MAPK8IP2: variants seen among roughly 807,000 people sequenced by gnomAD.
MAPK8IP2 encodes mitogen-activated protein kinase 8 interacting protein 2, also known as C-Jun-amino-terminal kinase-interacting protein 2.
In MAPK8IP2, 15 loss-of-function variants were observed where a neutral mutation model predicts 75.6. The ratio of observed to expected loss-of-function variants is 0.20; its 90% CI spans 0.13 to 0.31. The LOEUF is 0.31. Ranked by LOEUF, MAPK8IP2 falls within the 10% of genes least tolerant of loss-of-function variation. The probability of loss-of-function intolerance (pLI) is 1.00; values close to 1 mark genes in which losing one functional copy is unlikely to be tolerated. For missense variants in MAPK8IP2, 1,089 were observed against 1,211.2 expected, an observed-to-expected ratio of 0.90 and a Z score of 1.50; for synonymous variants, 632 against 554.5, an observed-to-expected ratio of 1.14 and a Z score of -1.96.
rs753694127 is a variant in MAPK8IP2 at position 50,603,223 on chromosome 22, G to T, written c.172G>T (p.Asp58Tyr). 1 of 1,611,392 alleles carries T rather than the reference G, an allele frequency of 6.2e-7. No homozygotes were observed. The highest frequency in any genetic ancestry group is 8.5e-7 in the Non-Finnish European group (1 of 1,179,568). Residue 58 changes from aspartate (D) to tyrosine (Y), a missense_variant and splice_region_variant, in exon 3 of 12, where the codon GAC (aspartate) becomes TAC (tyrosine). Physicochemically the swap from Asp to Tyr is radical, Grantham distance 160. Coordinates refer to ENST00000329492, the MANE Select transcript of MAPK8IP2 (RefSeq NM_012324.6). ...LSYDSDHCEK[D>Y]SLSLGRSEQP... ...CCTGCTATCTCCCTCCGTCCTGCAG[G>T]ACAGCCTCTCCCTGGGGCGCTCGGA... is the stretch of plus-strand genomic sequence containing the variant.
rs548289118 is a variant in MAPK8IP2 at position 50,605,805 on chromosome 22, C to T, written c.2015-20C>T. On this transcript the variant is annotated intron_variant, in intron 7 of 11. Transcript: ENST00000329492. Reference sequence around the variant, plus strand: ...CCTGTGCCCCTGCCTGACCTGGGCCCTCTGTGCCCCGCTCCCCAGGGAGTA... The same window carrying T: ...CCTGTGCCCCTGCCTGACCTGGGCCTTCTGTGCCCCGCTCCCCAGGGAGTA... 8.8e-6 allele frequency: 14 copies of T among 1,591,798 alleles called. No homozygotes were observed. Among genetic ancestry groups the T allele is most frequent in the African/African-American group, 6.7e-5 (5 of 74,678 alleles).
Position 50,610,358 on chromosome 22 carries a change from G to T in MAPK8IP2, c.2402+48G>T. On this transcript the variant is annotated intron_variant, in intron 11 of 11. Transcript: ENST00000329492. This position sits in a 1 kb window ranked among gnomAD's most constrained non-coding sequence, Gnocchi z 4.3. ...GGTGCAGAATGGGTGCAGGGTTACG[G>T]AGGTGGGGAGCGGAGGTGAGCAGGT... is the stretch of plus-strand genomic sequence containing the variant. The T allele has an allele frequency of 6.7e-7, 1 of 1,484,914 alleles. No individual in the cohort carries two copies. The highest frequency in any genetic ancestry group is 1.2e-5 in the South Asian group (1 of 83,602). The allele number at this position is 1,484,914 out of a possible 1,614,324, so 92.0% of individuals were successfully genotyped here.
intron 1 of MAPK8IP2, 138 bp from the exon 2 acceptor site, chr22:50,601,651 C>G (rs2070940180): frequency 4.7e-6 from 3 of 636,732 alleles, no homozygotes; most frequent in Non-Finnish European, 8.5e-6. Context: ...AAGATGATGG[C>G]AGGATGTGTT....
chr22:50,602,028 A>G, intron 2 of MAPK8IP2, 134 bp downstream of exon 2: 2 of 680,452 alleles, frequency 2.9e-6, no homozygotes, highest in Non-Finnish European at 5.2e-6. Flanking sequence ...GCTCCTCCCC[A>G]CTTAACCCTT....
intron 6 of MAPK8IP2, 48 bp from the exon 7 acceptor site, chr22:50,605,514 G>T: frequency 6.3e-7 from 1 of 1,594,942 alleles, no homozygotes. Context: ...CAGTGGACAC[G>T]ACCGTCAATC....
intron 2 of MAPK8IP2, 110 bp downstream of exon 2, chr22:50,602,004 G>C: frequency 1.2e-6 from 1 of 812,844 alleles, no homozygotes; most frequent in Non-Finnish European, 2.1e-6. Context: ...CTTGAACCGG[G>C]GACTCCTCTG....
chr22:50,610,389 C>A lies in MAPK8IP2; in HGVS notation c.2402+79C>A. Reference sequence around the variant, plus strand: ...GGGAGCGGAGGTGAGCAGGTGGGGGCAGGAGCCTGGCAGGGGAGGTCTGGG... The same window carrying A: ...GGGAGCGGAGGTGAGCAGGTGGGGGAAGGAGCCTGGCAGGGGAGGTCTGGG... On this transcript the variant is annotated intron_variant, in intron 11 of 11. Transcript: ENST00000329492. The surrounding 1 kb of genome is among the most constrained non-coding windows in gnomAD (Gnocchi z 4.3). 2 of 1,221,992 alleles carry A rather than the reference C, an allele frequency of 1.6e-6. No homozygotes were observed. The highest frequency in any genetic ancestry group is 2.3e-6 in the Non-Finnish European group (2 of 854,286). 75.7% of individuals were successfully genotyped at this position (1,221,992 alleles called of 1,614,324 possible).
intron 2 of MAPK8IP2, 61 bp downstream of exon 2, chr22:50,601,955 AG>A (rs1846965797): frequency 7.1e-7 from 1 of 1,412,714 alleles, no homozygotes; most frequent in African/African-American, 1.4e-5. Context: ...GGTTCTTCTT[AG>A]CGTTCACTTG....
Position 50,603,505 on chromosome 22 carries a change from G to T in MAPK8IP2, c.447+7G>T. On this transcript the variant is annotated splice_region_variant and intron_variant, in intron 3 of 11. Coordinates refer to ENST00000329492, the MANE Select transcript of MAPK8IP2 (RefSeq NM_012324.6). ...GACCACACTGGGGGCCCAGGTGAGT[G>T]CCCGGACCCACAGCTCCCTGGAGCT... 1 of 1,563,738 alleles carries T rather than the reference G, an allele frequency of 6.4e-7. No individual in the cohort carries two copies. Among genetic ancestry groups the T allele is most frequent in the Non-Finnish European group, 8.7e-7 (1 of 1,150,876 alleles).
rs1181510163 is a variant in MAPK8IP2, at chr22:50,610,833, G to A, written c.*54G>A. On this transcript the variant is annotated 3_prime_UTR_variant, in exon 12 of 12. Transcript: ENST00000329492. The surrounding 1 kb of genome is among the most constrained non-coding windows in gnomAD (Gnocchi z 4.3). ...CTGCTCCAGGCGCAGCTGGGGCTGAGGATGTCTCAAGAGGCCACCATGGCT... is the reference window on the plus strand; with the variant it reads ...CTGCTCCAGGCGCAGCTGGGGCTGAAGATGTCTCAAGAGGCCACCATGGCT... 2 of 1,489,262 alleles carry A rather than the reference G, an allele frequency of 1.3e-6. No homozygotes were observed. The highest frequency in any genetic ancestry group is 2.0e-5 in the Admixed American group (1 of 50,972). The allele number at this position is 1,489,262 out of a possible 1,614,324, so 92.3% of individuals were successfully genotyped here.
chr22:50,609,929 G>A, intron 10 of MAPK8IP2: 1 of 619,014 alleles, frequency 1.6e-6, no homozygotes, highest in South Asian at 1.4e-5. Context: ...CCCTGAATAG[G>A]GCCACAGAGG....
At chr22:50,602,542 G>T (rs1181220627) in intron 2 of MAPK8IP2, among the ~76,000 whole-genome samples, 2 of 152,188 alleles carry the variant, frequency 1.3e-5, no homozygotes, top group Non-Finnish European at 2.9e-5. Context: ...AGTTCCACGA[G>T]GGGGAAGGGA....
In MAPK8IP2 at chr22:50,604,333, C is replaced by T. The variant is rs200973325; in HGVS notation, c.1034C>T (p.Ala345Val). The T allele has an allele frequency of 3.9e-3, 5,983 of 1,537,014 alleles. 13 individuals carry two copies. Among genetic ancestry groups the T allele is most frequent in the Non-Finnish European group, 5.0e-3 (5,737 of 1,147,594 alleles). ...SESEPDLSED[A>V]DSPWLLSNLV... is the part of the protein sequence containing the mutation. Reference sequence around the variant, plus strand: ...TCGGAGCCGGACCTCAGCGAGGACGCGGACTCGCCCTGGCTGCTCAGCAAC... The same window carrying T: ...TCGGAGCCGGACCTCAGCGAGGACGTGGACTCGCCCTGGCTGCTCAGCAAC... The change falls in exon 5 of 12, where the codon GCG (alanine) becomes GTG (valine). Residue 345 changes from alanine to valine, a missense_variant. Around this residue, in one of 2 missense-constraint regions of MAPK8IP2, gnomAD observed 960 missense variants for 1,009.6 expected, o/e 0.95. Coordinates refer to ENST00000329492, the MANE Select transcript of MAPK8IP2 (RefSeq NM_012324.6).
At chr22:50,601,955 A>AGG in intron 2 of MAPK8IP2, 61 bp downstream of exon 2, 1 of 1,412,714 alleles carries the variant, frequency 7.1e-7, no homozygotes, top group Non-Finnish European at 1.0e-6. Flanking sequence ...GGTTCTTCTT[A>AGG]GCGTTCACTT....
chr22:50,611,849 C>T lies in MAPK8IP2; in HGVS notation c.*1070C>T, dbSNP rs1349157152. ...GACTGGGGGCCAGCACGGCTCAGGT[C>T]AGTGTGTAGTGGGGGCATGAACTCC... On this transcript the variant is annotated 3_prime_UTR_variant, in exon 12 of 12. Transcript: ENST00000329492. This position sits in a 1 kb window ranked among gnomAD's most constrained non-coding sequence, Gnocchi z 5.5. The T allele has an allele frequency of 6.6e-6, 1 of 152,202 alleles. No homozygotes were observed. Among genetic ancestry groups the T allele is most frequent in the African/African-American group, 2.4e-5 (1 of 41,410 alleles). The allele number at this position is 152,202 out of a possible 1,614,324, so 9.4% of individuals were successfully genotyped here.
intron 3 of MAPK8IP2, 21 bp from the exon 4 acceptor site, chr22:50,603,605 C>G (rs6009938): frequency 0.13 from 204,670 of 1,586,492 alleles, 13,929 homozygotes; most frequent in East Asian, 0.25. Flanking sequence ...TCAGGACCGC[C>G]GTCATGTATC....
intron 4 of MAPK8IP2, 39 bp from the exon 5 acceptor site, chr22:50,603,802 G>A (rs1384423375): frequency 2.6e-6 from 4 of 1,532,680 alleles, no homozygotes; most frequent in Admixed American, 2.0e-5. Flanking sequence ...AGAGGCCTGG[G>A]TGGTGCAGAG....
chr22:50,609,832 C>A (rs774602613), intron 10 of MAPK8IP2: 2 of 518,694 alleles, frequency 3.9e-6, no homozygotes, highest in Non-Finnish European at 7.6e-6. Context: ...TGTCAGTCTG[C>A]TAGGCCCGCA....
intron 1 of MAPK8IP2, chr22:50,601,453 GTT>G: frequency 4.1e-6 from 1 of 243,938 alleles, no homozygotes; most frequent in Non-Finnish European, 8.2e-6. Flanking sequence ...CCGCTGCCGC[GTT>G]GCAGCTCCCC....
Sources: gnomAD v4.1 joint callset for allele counts (sites outside exome capture counted in the v4.1 genomes callset) on GRCh38, gnomAD v4.1.1 for gene constraint, gnomAD v4.1.1 regional missense constraint, Gnocchi (gnomAD v3.1) non-coding constraint, MANE v1.5 for transcripts, NCBI Gene and HGNC (gene_info 2026-07-23, HGNC 2026-07-21) for gene names.